The following POPDC2 variants were observed in gnomAD, a reference collection of about 807,000 sequenced individuals.
POPDC2 encodes the protein popeye domain cAMP effector 2.
POPDC2 carries 24 observed loss-of-function variants against 30.5 expected under a neutral mutation model. That is an observed-to-expected ratio of 0.79 (90% CI 0.57 to 1.11). POPDC2 has a LOEUF of 1.11. Among genes scored for constraint, POPDC2 ranks in the 50% least tolerant of loss-of-function variants. The pLI, the probability that POPDC2 is intolerant of heterozygous loss-of-function variation, is 0.00. For missense variants in POPDC2, 409 were observed against 447.0 expected (o/e 0.91, Z 0.77); for synonymous variants, 185 against 183.3 (o/e 1.01, Z -0.07).
chr3:119,660,064 C>G lies in POPDC2; in HGVS notation c.360G>C (p.Gln120His), dbSNP rs746627719. The change falls in exon 1 of 4, where the codon CAG becomes CAC. Residue 120 changes from glutamine (Q) to histidine (H), a missense_variant. Physicochemically the swap from Gln to His is conservative, Grantham distance 24. Transcript: ENST00000493094. ...LLYKTLCLPL[Q>H]VPLQTYKEIV... ...TCTCCTTGTATGTCTGTAGGGGCAC[C>G]TGCAAGGGCAGGCACAGCGTCTTGT... 21 of 1,614,122 alleles carry G rather than the reference C, an allele frequency of 1.3e-5. No individual in the cohort carries two copies. Among genetic ancestry groups the G allele is most frequent in the Non-Finnish European group, 1.8e-5 (21 of 1,180,048 alleles).
intron 2 of POPDC2, 85 bp downstream of exon 2, chr3:119,654,420 G>T: frequency 4.3e-6 from 4 of 927,746 alleles, no homozygotes; most frequent in Admixed American, 1.8e-5. Context: ...AAGGACAGAT[G>T]TAAGAGGGGA....
chr3:119,642,123 T>G lies in POPDC2; in HGVS notation c.*482A>C, dbSNP rs575024887. 1.1e-3 allele frequency: 199 copies of G among 174,864 alleles called. No individual in the cohort carries two copies. The highest frequency in any genetic ancestry group is 2.7e-3 in the Admixed American group (47 of 17,256). 10.8% of individuals were successfully genotyped at this position (174,864 alleles called of 1,614,324 possible). On this transcript the variant is annotated 3_prime_UTR_variant, in exon 4 of 4. Transcript: ENST00000493094. ...GGCATGTGCTAGGTGCTTACCTAAA[T>G]CAACTCATTGGATCCTCACAACAAC...
At chr3:119,648,842 G>C (rs956426515) in intron 2 of POPDC2, among the ~76,000 whole-genome samples, 174 bp from the exon 3 acceptor site, 1 of 152,214 alleles carries the variant, frequency 6.6e-6, no homozygotes, top group Non-Finnish European at 1.5e-5. Context: ...TTTCACTTGT[G>C]TGCACTGATA....
At chr3:119,649,361 A>C (rs2052785215) in intron 2 of POPDC2, among the ~76,000 whole-genome samples, 1 of 152,214 alleles carries the variant, frequency 6.6e-6, no homozygotes, top group East Asian at 1.9e-4. Context: ...TTATTCATCT[A>C]GGAATTTCTG....
intron 1 of POPDC2, among the ~76,000 whole-genome samples, chr3:119,655,048 C>T (rs1560098702): frequency 6.6e-6 from 1 of 152,136 alleles, no homozygotes; most frequent in Non-Finnish European, 1.5e-5. Flanking sequence ...TGCTGCTGGC[C>T]CGGCGCAGTG....
At chr3:119,652,926 C>T (rs530093516) in intron 2 of POPDC2, among the ~76,000 whole-genome samples, 1 of 152,236 alleles carries the variant, frequency 6.6e-6, no homozygotes, top group African/African-American at 2.4e-5. Flanking sequence ...CATATGTTGG[C>T]TTGAGGGACT....
chr3:119,643,853 T>C (rs936763172), intron 3 of POPDC2, among the ~76,000 whole-genome samples: 3 of 152,220 alleles, frequency 2.0e-5, no homozygotes, highest in Non-Finnish European at 4.4e-5. Flanking sequence ...AGCAATCCAG[T>C]ATCAATACTG....
chr3:119,642,648 T>G lies in POPDC2; in HGVS notation c.*44-87A>C. ...AAAGGGTTCTTTTCAGTTTTTTTCTTTCCTTTACCAATTCCCAATGTTTTA... is the reference window on the plus strand; with the variant it reads ...AAAGGGTTCTTTTCAGTTTTTTTCTGTCCTTTACCAATTCCCAATGTTTTA... On this transcript the variant is annotated intron_variant, in intron 3 of 3. Transcript: ENST00000493094. 1.0e-5 allele frequency: 9 copies of G among 887,778 alleles called. No individual in the cohort carries two copies. The South Asian group carries it at 1.4e-4, about 13-fold the overall frequency. 55.0% of individuals were successfully genotyped at this position (887,778 alleles called of 1,614,324 possible). A position where few individuals can be genotyped will look rare whatever the true frequency, so the allele number is the denominator to read the frequency against.
chr3:119,643,348 C>G (rs759435060), intron 3 of POPDC2: 1 of 1,505,916 alleles, frequency 6.6e-7, no homozygotes, highest in Non-Finnish European at 8.9e-7. Context: ...TTTCTTTAGG[C>G]CTCCACTTTT....
At chr3:119,642,715 C>T (rs564603637) in intron 3 of POPDC2, among the ~76,000 whole-genome samples, 154 bp from the exon 4 acceptor site, 2 of 152,182 alleles carry the variant, frequency 1.3e-5, no homozygotes, top group African/African-American at 4.8e-5. Context: ...GGTGTACCTT[C>T]GAATCATTTC....
chr3:119,654,711 T>C, intron 1 of POPDC2, 98 bp from the exon 2 acceptor site: 1 of 854,162 alleles, frequency 1.2e-6, no homozygotes, highest in Admixed American at 2.0e-5. Context: ...TGAATCTTCC[T>C]GTAGAAATAC....
intron 3 of POPDC2, 92 bp downstream of exon 3, chr3:119,648,027 A>C: frequency 9.3e-7 from 1 of 1,076,788 alleles, no homozygotes; most frequent in South Asian, 1.8e-5. Flanking sequence ...TCTAAGAGGA[A>C]ATGTTCCACG....
At chr3:119,643,528 C>T in intron 3 of POPDC2, 2 of 961,154 alleles carry the variant, frequency 2.1e-6, no homozygotes, top group Non-Finnish European at 3.2e-6. Flanking sequence ...ATACGCTACA[C>T]ATTTAACTAG....
At chr3:119,646,470 A>G (rs2052747685) in intron 3 of POPDC2, among the ~76,000 whole-genome samples, 2 of 152,044 alleles carry the variant, frequency 1.3e-5, no homozygotes, top group African/African-American at 4.8e-5. Flanking sequence ...GTCTCTACAA[A>G]AAAATTTAAA....
intron 1 of POPDC2, among the ~76,000 whole-genome samples, chr3:119,655,242 C>T (rs1052534068): frequency 1.3e-5 from 2 of 152,068 alleles, no homozygotes; most frequent in African/African-American, 4.8e-5. Flanking sequence ...GCAAGAGAAT[C>T]ACTTGAACTC....
In POPDC2 at chr3:119,648,288, C is replaced by T. The variant is rs1365445228; in HGVS notation, c.981G>A (p.Arg327=). Residue 327 remains arginine (R), a synonymous_variant, in exon 3 of 4, where the codon AGG becomes AGA. Transcript: ENST00000493094. ...GTATGCCACTGTCTGGCCTGGACAA[C>T]CTGGCCCGGGTAGGAGGTGCAGGAA... ...TNFPAPPTRA[R]LSRPDSGILG... is the part of the protein sequence containing the mutation. 1.2e-6 allele frequency: 2 copies of T among 1,614,074 alleles called. No individual in the cohort carries two copies. The highest frequency in any genetic ancestry group is 1.3e-5 in the African/African-American group (1 of 75,010).
intron 2 of POPDC2, among the ~76,000 whole-genome samples, chr3:119,654,007 G>A (rs564391872): frequency 8.5e-5 from 13 of 152,274 alleles, no homozygotes; most frequent in Non-Finnish European, 1.6e-4. Flanking sequence ...AGGCTGTGGG[G>A]TGGAAGCAGG....
At chr3:119,653,634 T>C (rs539627) in intron 2 of POPDC2, among the ~76,000 whole-genome samples, 140,380 of 151,744 alleles carry the variant, frequency 0.93, 65,928 homozygotes, top group East Asian at 1. Context: ...CCCGCCACCA[T>C]GCCCGGCTAA....
In POPDC2 at chr3:119,648,133, C is replaced by A; in HGVS notation, c.*29G>T. ...TGAGTACTTACATAGGATCCTGAGC[C>A]GGTGGCTGTGCCCATGTTAGTTCTC... is the stretch of plus-strand genomic sequence containing the variant. On this transcript the variant is annotated 3_prime_UTR_variant, in exon 3 of 4. Transcript: ENST00000493094. 1 of 1,475,640 alleles carries A rather than the reference C, an allele frequency of 6.8e-7. No homozygotes were observed. Among genetic ancestry groups the A allele is most frequent in the Non-Finnish European group, 9.0e-7 (1 of 1,110,522 alleles). The allele number at this position is 1,475,640 out of a possible 1,614,324, so 91.4% of individuals were successfully genotyped here.
Sources: gnomAD v4.1 joint callset for allele counts (sites outside exome capture counted in the v4.1 genomes callset) on GRCh38, gnomAD v4.1.1 for gene constraint, MANE v1.5 for transcripts, NCBI Gene and HGNC (gene_info 2026-07-23, HGNC 2026-07-21) for gene names.